PDE12: variants seen among roughly 807,000 people sequenced by gnomAD.
PDE12 encodes phosphodiesterase 12.
PDE12 carries 26 observed loss-of-function variants against 45.4 expected under a neutral mutation model. The observed-to-expected ratio is 0.57, with a 90% CI of 0.42 to 0.79. PDE12 has a LOEUF of 0.79. Among genes scored for constraint, PDE12 ranks in the 30% least tolerant of loss-of-function variants. The pLI is 0.00. For synonymous variants in PDE12, 283 were observed against 323.9 expected, an observed-to-expected ratio of 0.87 and a Z score of 1.36; for missense variants, 668 against 790.0, an observed-to-expected ratio of 0.85 and a Z score of 1.85.
chr3:57,598,787 AAAC>A, the PDE12 span, among the ~76,000 whole-genome samples: 2 of 152,102 alleles, frequency 1.3e-5, no homozygotes, highest in Admixed American at 6.6e-5. Context: ...TTAAAAAAAC[AAAC>A]AACAACAACA....
At chr3:57,601,708 T>A in the PDE12 span, among the ~76,000 whole-genome samples, 1 of 151,944 alleles carries the variant, frequency 6.6e-6, no homozygotes, top group African/African-American at 2.4e-5. Context: ...GCAAGCTTAT[T>A]AAGGAAACCA....
At chr3:57,582,041 G>C in the PDE12 span, among the ~76,000 whole-genome samples, 2 of 152,154 alleles carry the variant, frequency 1.3e-5, no homozygotes, top group African/African-American at 4.8e-5. Flanking sequence ...TCTGGATTTA[G>C]AATGCTCAAC....
downstream of PDE12, among the ~76,000 whole-genome samples, chr3:57,568,774 C>A (rs2069809211): frequency 6.8e-6 from 1 of 148,132 alleles, no homozygotes; most frequent in Non-Finnish European, 1.5e-5. Flanking sequence ...GAAATTGAAA[C>A]TCTTAACAAA....
chr3:57,575,748 T>C, the PDE12 span: 1 of 1,422,288 alleles, frequency 7.0e-7, no homozygotes, highest in Non-Finnish European at 9.4e-7. Flanking sequence ...TATATATACT[T>C]TACTCAGCAT....
At chr3:57,574,235 G>T in the PDE12 span, among the ~76,000 whole-genome samples, 17 of 151,878 alleles carry the variant, frequency 1.1e-4, no homozygotes, top group Non-Finnish European at 1.3e-4. Flanking sequence ...CACTGCACCC[G>T]GCCTGCAATA....
At chr3:57,605,401 G>T in the PDE12 span, among the ~76,000 whole-genome samples, 5 of 152,202 alleles carry the variant, frequency 3.3e-5, no homozygotes, top group South Asian at 1.0e-3. Flanking sequence ...ATTGTCCAGG[G>T]TTGGTTGGGA....
At chr3:57,612,536 G>C in the PDE12 span, among the ~76,000 whole-genome samples, 1 of 151,986 alleles carries the variant, frequency 6.6e-6, no homozygotes, top group East Asian at 1.9e-4. Flanking sequence ...ACTTTTGGAG[G>C]CCGAGGCGGG....
chr3:57,653,941 C>CTTTTTTTTTT, the PDE12 span, among the ~76,000 whole-genome samples: 4 of 75,836 alleles, frequency 5.3e-5, no homozygotes, highest in Non-Finnish European at 7.1e-5. Flanking sequence ...TAGAAATTCA[C>CTTTTTTTTTT]TTTTTTTTTT....
At chr3:57,598,126 G>A in the PDE12 span, 5 of 152,080 alleles carry the variant, frequency 3.3e-5, no homozygotes, top group Non-Finnish European at 7.4e-5. Context: ...TTATGTTGAG[G>A]AAGCGGAAAG....
the PDE12 span, chr3:57,654,865 T>C: frequency 1.2e-6 from 1 of 848,268 alleles, no homozygotes; most frequent in Non-Finnish European, 1.4e-6. Context: ...GATAAATATG[T>C]AAACTTTCAT....
chr3:57,557,442 G>T lies in PDE12; in HGVS notation c.1063G>T (p.Ala355Ser), dbSNP rs1409857386. ...DVICLQEVDR[A>S]VFSDSLVPAL... ...CATCTGTTTGCAGGAGGTTGACCGC[G>T]CAGTGTTTTCTGACAGCTTGGTACC... Residue 355 changes from alanine (A) to serine (S), a missense_variant, in exon 1 of 3, where the codon GCA (alanine) becomes TCA (serine). By Grantham distance (99) the Ala-to-Ser change is moderately conservative (BLOSUM62 1). Coordinates refer to ENST00000311180, the MANE Select transcript of PDE12 (RefSeq NM_177966.7). The T allele has an allele frequency of 1.9e-6, 3 of 1,613,882 alleles. No homozygotes were observed. The African/African-American group carries it at 4.0e-5, about 22-fold the overall frequency.
chr3:57,561,520 T>C lies in PDE12; in HGVS notation c.*1516T>C, dbSNP rs143375472. The C allele has an allele frequency of 3.4e-3, 3,395 of 984,612 alleles. 40 individuals carry two copies. The Admixed American group carries it at 0.051, about 15-fold the overall frequency. 61.0% of individuals were successfully genotyped at this position (984,612 alleles called of 1,614,324 possible). A position where few individuals can be genotyped will look rare whatever the true frequency, so the allele number is the denominator to read the frequency against. On this transcript the variant is annotated 3_prime_UTR_variant, in exon 3 of 3. Transcript: ENST00000311180. ...ATACTGATTAGTGTCTAGCCTAGAG[T>C]GGTAACCATGCTTTACTAATTCAGT...
the PDE12 span, among the ~76,000 whole-genome samples, chr3:57,610,651 T>G: frequency 1.7e-4 from 26 of 151,950 alleles, no homozygotes; most frequent in Admixed American, 1.6e-3. Context: ...TCAAAGAGAA[T>G]AAAATACCTA....
the PDE12 span, among the ~76,000 whole-genome samples, chr3:57,603,524 G>C: frequency 4.6e-5 from 7 of 151,628 alleles, no homozygotes; most frequent in Admixed American, 3.3e-4. Context: ...TTTTAGTAGA[G>C]ACAGGGTTTC....
At chr3:57,569,617 A>C, downstream of PDE12, among the ~76,000 whole-genome samples, 1 of 151,942 alleles carries the variant, frequency 6.6e-6, no homozygotes, top group East Asian at 1.9e-4. Flanking sequence ...CGGCCTCCCA[A>C]AGTGCCAGGA....
chr3:57,582,163 A>T, the PDE12 span, among the ~76,000 whole-genome samples: 1 of 152,226 alleles, frequency 6.6e-6, no homozygotes, highest in Non-Finnish European at 1.5e-5. Flanking sequence ...AACATTTTCC[A>T]TAAGGAAGCT....
chr3:57,573,052 A>G, the PDE12 span, among the ~76,000 whole-genome samples: 1 of 151,660 alleles, frequency 6.6e-6, no homozygotes, highest in Non-Finnish European at 1.5e-5. Context: ...AATACAAAAA[A>G]TTAGCCGGGC....
chr3:57,584,509 C>A, the PDE12 span: 1 of 1,466,260 alleles, frequency 6.8e-7, no homozygotes, highest in Admixed American at 1.8e-5. Flanking sequence ...CAAAAGCACA[C>A]TCCAAGAAAT....
At chr3:57,610,926 A>T in the PDE12 span, among the ~76,000 whole-genome samples, 1 of 152,172 alleles carries the variant, frequency 6.6e-6, no homozygotes, top group Non-Finnish European at 1.5e-5. Context: ...CCGCATTGCC[A>T]AGACAATCCT....
Sources: allele counts gnomAD v4.1 joint callset (sites outside exome capture counted in the v4.1 genomes callset), GRCh38; gene constraint gnomAD v4.1.1; transcripts MANE v1.5; gene names NCBI Gene and HGNC (gene_info 2026-07-23, HGNC 2026-07-21).